Variants in RYR3 observed in about 807,000 individuals in gnomAD.
The protein encoded by RYR3 is ryanodine receptor 3, also known as brain ryanodine receptor-calcium release channel.
RYR3 carries 207 observed loss-of-function variants against 584.3 expected under a neutral mutation model. That is an observed-to-expected ratio of 0.35 (90% CI 0.32 to 0.40). RYR3 has a LOEUF of 0.40. Among genes scored for constraint, RYR3 ranks in the 10% least tolerant of loss-of-function variants. The pLI is 1.00. For synonymous variants in RYR3, 2,416 were observed against 2,248.5 expected, an observed-to-expected ratio of 1.07 and a Z score of -2.11; for missense variants, 5,616 against 6,089.2, an observed-to-expected ratio of 0.92 and a Z score of 2.59.
chr15:33,553,993 A>G (rs907032372), intron 10 of RYR3, among the ~76,000 whole-genome samples: 13 of 151,998 alleles, frequency 8.6e-5, no homozygotes, highest in African/African-American at 1.2e-4. Context: ...ACCACCACCA[A>G]ACTTGTGCCT....
rs758369363 is a variant in RYR3, at chr15:33,821,360, G to A, written c.10906G>A (p.Ala3636Thr). 17 of 1,600,668 alleles carry A rather than the reference G, an allele frequency of 1.1e-5. No individual in the cohort carries two copies. The highest frequency in any genetic ancestry group is 8.0e-5 in the African/African-American group (6 of 74,678). Residue 3636 changes from alanine (A) to threonine (T), a missense_variant, in exon 79 of 104, where the codon GCT (alanine) becomes ACT (threonine). This residue lies in a region of RYR3 where 954 missense variants were observed against 1,132.2 expected (regional missense o/e 0.84). Coordinates refer to ENST00000634891, the MANE Select transcript of RYR3 (RefSeq NM_001036.6). Reference protein sequence around the residue: ...AAEMVLQMISASKGEMSPMVV... With the variant: ...AAEMVLQMISTSKGEMSPMVV... Reference sequence around the variant, plus strand: ...AGAGATGGTCCTTCAGATGATAAGCGCTAGCAAAGGTGATTTCCCTAGTTT... The same window carrying A: ...AGAGATGGTCCTTCAGATGATAAGCACTAGCAAAGGTGATTTCCCTAGTTT...
intron 10 of RYR3, among the ~76,000 whole-genome samples, chr15:33,552,725 T>C (rs1182248686): frequency 6.6e-6 from 1 of 152,196 alleles, no homozygotes; most frequent in Non-Finnish European, 1.5e-5. Flanking sequence ...CCTTAGACTG[T>C]GAAGCTGCAC....
intron 1 of RYR3, among the ~76,000 whole-genome samples, chr15:33,439,222 G>C (rs1268955850): frequency 2.0e-5 from 3 of 151,776 alleles, no homozygotes; most frequent in Non-Finnish European, 4.4e-5. Context: ...TTTATCTTTG[G>C]GTTTATTTGG....
intron 1 of RYR3, among the ~76,000 whole-genome samples, chr15:33,374,436 G>T (rs1000804228): frequency 6.7e-6 from 1 of 150,366 alleles, no homozygotes; most frequent in East Asian, 2.0e-4. Context: ...ACACCCACAC[G>T]CATAGATGTA....
Position 33,738,475 on chromosome 15 carries a change from G to T in RYR3, c.7541G>T (p.Cys2514Phe), listed in dbSNP as rs1477823780. The change falls in exon 50 of 104, where the codon TGT becomes TTT. Residue 2514 changes from cysteine to phenylalanine, a missense_variant. Physicochemically the swap from Cys to Phe is radical, Grantham distance 205. This residue lies in a region of RYR3 where 1,280 missense variants were observed against 1,426.2 expected (regional missense o/e 0.90). Coordinates refer to ENST00000634891, the MANE Select transcript of RYR3 (RefSeq NM_001036.6). The part of the protein sequence containing the change: ...LKLLTNHYEQ[C>F]WKYYCLPSGW... ...CTTCTGACGAATCACTATGAACAGTGTTGGAAGTATTACTGCCTGCCTTCA... is the reference window on the plus strand; with the variant it reads ...CTTCTGACGAATCACTATGAACAGTTTTGGAAGTATTACTGCCTGCCTTCA... 1.2e-6 allele frequency: 2 copies of T among 1,613,884 alleles called. No individual in the cohort carries two copies. The highest frequency in any genetic ancestry group is 2.2e-5 in the South Asian group (2 of 91,044).
intron 1 of RYR3, among the ~76,000 whole-genome samples, chr15:33,456,302 G>A (rs191921868): frequency 5.3e-5 from 8 of 152,296 alleles, no homozygotes; most frequent in South Asian, 4.1e-4. Context: ...AGAATTGATC[G>A]CGCAGAATGC....
At chr15:33,378,204 A>G (rs2040891680) in intron 1 of RYR3, among the ~76,000 whole-genome samples, 1 of 152,218 alleles carries the variant, frequency 6.6e-6, no homozygotes, top group Admixed American at 6.5e-5. Flanking sequence ...ATTACTTTGA[A>G]TTTGGATCTG....
intron 1 of RYR3, among the ~76,000 whole-genome samples, chr15:33,424,531 T>C (rs1028138820): frequency 6.6e-6 from 1 of 152,192 alleles, no homozygotes; most frequent in African/African-American, 2.4e-5. Flanking sequence ...CCTAAGCCAC[T>C]GGCCAGTGTA....
At chr15:33,749,897 C>T in intron 55 of RYR3, 82 bp from the exon 56 acceptor site, 1 of 1,209,544 alleles carries the variant, frequency 8.3e-7, no homozygotes, top group South Asian at 1.3e-5. Flanking sequence ...TTTCCCGAGG[C>T]TGCCTGAAAT....
Position 33,662,452 on chromosome 15 carries a change from G to A in RYR3, c.4922G>A (p.Arg1641His), listed in dbSNP as rs373416062. ...ATTACCAGCACCACCAGGAATATCC[G>A]CCTCTTCCCGGACGAGTCCAAGAGG... ...IPITSTTRNI[R>H]LFPDESKRHG... The change falls in exon 35 of 104, where the codon CGC (arginine) becomes CAC (histidine). Residue 1641 changes from arginine (R) to histidine (H), a missense_variant. Arg to His is a conservative substitution (Grantham distance 29). Transcript: ENST00000634891. 5.4e-5 allele frequency: 87 copies of A among 1,613,876 alleles called. No homozygotes were observed. Among genetic ancestry groups the A allele is most frequent in the African/African-American group, 6.7e-5 (5 of 74,908 alleles).
At chr15:33,321,413 C>G (rs1968948824) in intron 1 of RYR3, among the ~76,000 whole-genome samples, 1 of 152,210 alleles carries the variant, frequency 6.6e-6, no homozygotes, top group Non-Finnish European at 1.5e-5. Flanking sequence ...TCCTCTCTAT[C>G]AAACCTTATT....
rs57118667 is a variant in RYR3 at position 33,404,589 on chromosome 15, GTTT to G, written c.52-68818_52-68816del. On this transcript the variant is annotated intron_variant, in intron 1 of 103. Coordinates refer to ENST00000634891, the MANE Select transcript of RYR3 (RefSeq NM_001036.6). ...GAGGAATTACTATTTACTACTGTGT[GTTT>G]TTTTTTTTTTTACTTGTAACTGTTG... Among the ~76,000 whole-genome samples the G allele has an allele frequency of 3.4e-3, 495 of 144,462 alleles. 1 individual carries two copies. Among genetic ancestry groups the G allele is most frequent in the African/African-American group, 0.012 (476 of 40,020 alleles). The allele number at this position is 144,462 out of a possible 152,430, so 94.8% of individuals were successfully genotyped here.
chr15:33,794,692 A>G (rs917798842), intron 67 of RYR3, among the ~76,000 whole-genome samples: 1 of 152,078 alleles, frequency 6.6e-6, no homozygotes, highest in African/African-American at 2.4e-5. Context: ...CCACTTTTCA[A>G]TCTGTTCTTC....
At chr15:33,815,864 C>G in intron 74 of RYR3, 3 of 398,570 alleles carry the variant, frequency 7.5e-6, no homozygotes, top group South Asian at 2.5e-4. Context: ...TCCTGAGCAC[C>G]TTTCAACAAG....
intron 1 of RYR3, among the ~76,000 whole-genome samples, chr15:33,433,911 C>A (rs1048108741): frequency 6.6e-6 from 1 of 152,206 alleles, no homozygotes; most frequent in Non-Finnish European, 1.5e-5. Flanking sequence ...TCACTGGACA[C>A]AACTTTATCC....
Position 33,859,740 on chromosome 15 carries a change from G to A in RYR3, c.14299+9G>A. 1.2e-6 allele frequency: 2 copies of A among 1,601,854 alleles called. No homozygotes were observed. Among genetic ancestry groups the A allele is most frequent in the Non-Finnish European group, 1.7e-6 (2 of 1,173,198 alleles). On this transcript the variant is annotated intron_variant, in intron 100 of 103. Coordinates refer to ENST00000634891, the MANE Select transcript of RYR3 (RefSeq NM_001036.6). ...GCTGGCCATCATTCAAGGTATGATT[G>A]CCAATTGTGTTGAGTATGAACAGGG...
chr15:33,506,182 G>C (rs1398411712), intron 3 of RYR3, among the ~76,000 whole-genome samples: 1 of 152,136 alleles, frequency 6.6e-6, no homozygotes, highest in Non-Finnish European at 1.5e-5. Flanking sequence ...GTTCCAAGTA[G>C]AATGGAGGGA....
intron 42 of RYR3, among the ~76,000 whole-genome samples, chr15:33,701,826 G>A (rs963488792): frequency 1.3e-5 from 2 of 152,090 alleles, no homozygotes; most frequent in Admixed American, 1.3e-4. Flanking sequence ...CGCATTGTTG[G>A]GGAAGCATGC....
chr15:33,837,074 G>A (rs1157998580), intron 88 of RYR3, 87 bp downstream of exon 88: 5 of 1,090,426 alleles, frequency 4.6e-6, no homozygotes, highest in Non-Finnish European at 6.7e-6. Flanking sequence ...TATCCTTCTG[G>A]CAGGTCACTG....
Sources: gnomAD v4.1 joint callset for allele counts (sites outside exome capture counted in the v4.1 genomes callset) on GRCh38, gnomAD v4.1.1 for gene constraint, gnomAD v4.1.1 regional missense constraint, MANE v1.5 for transcripts, NCBI Gene and HGNC (gene_info 2026-07-23, HGNC 2026-07-21) for gene names.